The following COL26A1 variants were observed in gnomAD, a reference collection of about 807,000 sequenced individuals.
The protein encoded by COL26A1 is collagen type XXVI alpha 1 chain.
In COL26A1, 41 loss-of-function variants were observed where a neutral mutation model predicts 59.3. The observed-to-expected ratio is 0.69, with a 90% CI of 0.54 to 0.90. The LOEUF (loss-of-function observed/expected upper bound fraction) is 0.90. COL26A1 is among the 40% of genes least tolerant of loss of function. The pLI is 0.00. For synonymous variants in COL26A1, 266 were observed against 256.0 expected, an observed-to-expected ratio of 1.04 and a Z score of -0.37; for missense variants, 612 against 602.3, an observed-to-expected ratio of 1.02 and a Z score of -0.17.
chr7:101,425,826 ATT>A (rs531266478), intron 2 of COL26A1, among the ~76,000 whole-genome samples: 43 of 131,274 alleles, frequency 3.3e-4, no homozygotes, highest in Non-Finnish European at 2.8e-4. Flanking sequence ...TCTTAGCATA[ATT>A]TTTTTTTTTT....
At chr7:101,504,971 T>C (rs1794778308) in intron 3 of COL26A1, among the ~76,000 whole-genome samples, 1 of 152,184 alleles carries the variant, frequency 6.6e-6, no homozygotes, top group South Asian at 2.1e-4. Context: ...CTGACCAATA[T>C]GGTGAGACCC....
rs141041446 is a variant in COL26A1, at chr7:101,415,433, C to T, written c.159-4544C>T. On this transcript the variant is annotated intron_variant, in intron 1 of 12. Coordinates refer to ENST00000313669, the MANE Select transcript of COL26A1 (RefSeq NM_001278563.3). ...TTTCTCAAAGTGCTGTGTTTACAGG[C>T]GTGAGCCACTGTGCCCAGCCTCATC... is the stretch of plus-strand genomic sequence containing the variant. Among the ~76,000 whole-genome samples the T allele has an allele frequency of 2.3e-3, 354 of 152,248 alleles. 2 individuals are homozygous for T. The highest frequency in any genetic ancestry group is 7.9e-3 in the African/African-American group (328 of 41,552).
intron 3 of COL26A1, among the ~76,000 whole-genome samples, chr7:101,511,491 T>G (rs1445643895): frequency 6.6e-6 from 1 of 152,206 alleles, no homozygotes; most frequent in Admixed American, 6.5e-5. Context: ...TAAGCTATCC[T>G]AAGAAAAGGC....
intron 3 of COL26A1, among the ~76,000 whole-genome samples, chr7:101,464,530 G>C (rs150437276): frequency 5.3e-4 from 81 of 151,920 alleles, no homozygotes; most frequent in African/African-American, 1.9e-3. Flanking sequence ...TCCTGCCTCA[G>C]CCTCCTGAGT....
At chr7:101,458,502 G>A (rs967746938) in intron 3 of COL26A1, among the ~76,000 whole-genome samples, 3 of 152,158 alleles carry the variant, frequency 2.0e-5, no homozygotes, top group Admixed American at 1.3e-4. Context: ...GCCGGGCGTG[G>A]TGGTGCATGC....
intron 2 of COL26A1, among the ~76,000 whole-genome samples, chr7:101,430,474 T>A (rs1792752779): frequency 6.6e-6 from 1 of 151,690 alleles, no homozygotes; most frequent in South Asian, 2.1e-4. Context: ...TTTTTTTTTT[T>A]AGAGACGGGT....
In COL26A1 at chr7:101,399,822, CAACAT is replaced by C. The variant is rs1791947405; in HGVS notation, c.159-20152_159-20148del. Among the ~76,000 whole-genome samples, 6 of 151,784 alleles carry C rather than the reference CAACAT, an allele frequency of 4.0e-5. No homozygotes were observed. The South Asian group carries it at 1.2e-3, about 32-fold the overall frequency. ...ATCTGATCACAAAATATGTTAGAAACAACATAAGAATCATAAAGTTGTTTCTTCCA... is the reference window on the plus strand; with the variant it reads ...ATCTGATCACAAAATATGTTAGAAACAAGAATCATAAAGTTGTTTCTTCCA... On this transcript the variant is annotated intron_variant, in intron 1 of 12. Coordinates refer to ENST00000313669, the MANE Select transcript of COL26A1 (RefSeq NM_001278563.3).
At chr7:101,457,894 CTT>C (rs747999760) in intron 3 of COL26A1, among the ~76,000 whole-genome samples, 1 of 113,690 alleles carries the variant, frequency 8.8e-6, no homozygotes, top group Admixed American at 9.2e-5. Flanking sequence ...TATAGCTTAA[CTT>C]TTTTTTTTTT....
chr7:101,482,259 T>C (rs1308464980), intron 3 of COL26A1, among the ~76,000 whole-genome samples: 2 of 152,088 alleles, frequency 1.3e-5, no homozygotes, highest in African/African-American at 2.4e-5. Context: ...CCACCTGCCT[T>C]GTCCTCCCAA....
intron 3 of COL26A1, among the ~76,000 whole-genome samples, chr7:101,480,787 G>A (rs1376891828): frequency 6.6e-6 from 1 of 152,184 alleles, no homozygotes; most frequent in Non-Finnish European, 1.5e-5. Context: ...ACAGGTGTGA[G>A]CCACTGTACC....
At chr7:101,456,613 G>A (rs1006310233) in intron 3 of COL26A1, among the ~76,000 whole-genome samples, 2 of 133,708 alleles carry the variant, frequency 1.5e-5, no homozygotes, top group African/African-American at 6.3e-5. Flanking sequence ...ATGGTGAGCC[G>A]AGATCACGCC....
At chr7:101,385,233 A>C (rs1255801651) in intron 1 of COL26A1, among the ~76,000 whole-genome samples, 2 of 66,508 alleles carry the variant, frequency 3.0e-5, no homozygotes, top group Non-Finnish European at 4.2e-5. Flanking sequence ...CACACACACT[A>C]TATATATATA....
intron 3 of COL26A1, among the ~76,000 whole-genome samples, chr7:101,530,968 G>A (rs1037009469): frequency 6.6e-6 from 1 of 150,636 alleles, no homozygotes; most frequent in African/African-American, 2.4e-5. Context: ...TTTGTTTTTT[G>A]TTTTTTTGTT....
At chr7:101,485,387 G>A (rs910766063) in intron 3 of COL26A1, among the ~76,000 whole-genome samples, 47 of 152,246 alleles carry the variant, frequency 3.1e-4, no homozygotes, top group African/African-American at 1.0e-3. Context: ...ACATTTTGAC[G>A]TCAGGCATGA....
At chr7:101,525,334 G>T (rs187954502) in intron 3 of COL26A1, among the ~76,000 whole-genome samples, 219 of 145,210 alleles carry the variant, frequency 1.5e-3, no homozygotes, top group African/African-American at 5.4e-3. Context: ...GGCGTGTGCC[G>T]CCATGCCCAG....
At chr7:101,464,722 T>A (rs1180004210) in intron 3 of COL26A1, among the ~76,000 whole-genome samples, 2 of 141,372 alleles carry the variant, frequency 1.4e-5, no homozygotes, top group African/African-American at 5.2e-5. Flanking sequence ...CTAATTCTTA[T>A]TTTTATTTTA....
intron 1 of COL26A1, among the ~76,000 whole-genome samples, chr7:101,379,103 T>A (rs545521522): frequency 2.4e-3 from 358 of 152,194 alleles, no homozygotes; most frequent in Non-Finnish European, 3.8e-3. Flanking sequence ...TCATTCCTGC[T>A]CTTCTGGGAG....
At chr7:101,515,587 T>C (rs2130596571) in intron 3 of COL26A1, among the ~76,000 whole-genome samples, 2 of 147,272 alleles carry the variant, frequency 1.4e-5, no homozygotes, top group South Asian at 4.3e-4. Context: ...TCTGGCTCTT[T>C]TTTTTTTTTC....
At chr7:101,444,081 T>C (rs1381232877) in intron 2 of COL26A1, among the ~76,000 whole-genome samples, 5 of 151,986 alleles carry the variant, frequency 3.3e-5, no homozygotes, top group Admixed American at 6.6e-5. Flanking sequence ...TCTTGGTATA[T>C]TGCCCAGGCT....
Sources: gnomAD v4.1 joint callset for allele counts (sites outside exome capture counted in the v4.1 genomes callset) on GRCh38, gnomAD v4.1.1 for gene constraint, MANE v1.5 for transcripts, NCBI Gene and HGNC (gene_info 2026-07-23, HGNC 2026-07-21) for gene names.